The following PRKCA variants were observed in gnomAD, a reference collection of about 807,000 sequenced individuals.
The protein encoded by PRKCA is protein kinase C alpha type.
PRKCA carries 27 observed loss-of-function variants against 87.0 expected under a neutral mutation model. That is an observed-to-expected ratio of 0.31 (90% CI 0.23 to 0.43). The LOEUF (loss-of-function observed/expected upper bound fraction) is 0.43. Ranked by LOEUF, PRKCA falls within the 20% of genes least tolerant of loss-of-function variation. PRKCA has a pLI of 1.00. For missense variants in PRKCA, 518 were observed against 852.3 expected, an observed-to-expected ratio of 0.61 and a Z score of 4.88; for synonymous variants, 329 against 311.1, an observed-to-expected ratio of 1.06 and a Z score of -0.61.
At chr17:66,779,424 C>T (rs1598936842) in intron 14 of PRKCA, among the ~76,000 whole-genome samples, 1 of 151,938 alleles carries the variant, frequency 6.6e-6, no homozygotes, top group Non-Finnish European at 1.5e-5. Context: ...TCTCGGTGAT[C>T]GTCATAAAGG....
chr17:66,528,705 G>T (rs1037477511), intron 3 of PRKCA, among the ~76,000 whole-genome samples: 1 of 152,162 alleles, frequency 6.6e-6, no homozygotes. Context: ...AATTTGTGTT[G>T]CTTTAAGTCA....
rs1165425981 is a variant in PRKCA at position 66,798,453 on chromosome 17, C to CGGTGGTGGT, written c.1855-5394_1855-5386dup. On this transcript the variant is annotated intron_variant, in intron 16 of 16. Coordinates refer to ENST00000413366, the MANE Select transcript of PRKCA (RefSeq NM_002737.3). Reference sequence around the variant, plus strand: ...GTGGTGACGGTGGTGGTGGTGGTGACGGTGGTGGTGGTGGTGGTGGTGGTG... The same window carrying CGGTGGTGGT: ...GTGGTGACGGTGGTGGTGGTGGTGACGGTGGTGGTGGTGGTGGTGGTGGTGGTGGTGGTG... Among the ~76,000 whole-genome samples the CGGTGGTGGT allele has an allele frequency of 2.5e-3, 22 of 8,742 alleles. 2 individuals carry two copies. The highest frequency in any genetic ancestry group is 6.3e-3 in the South Asian group (1 of 158). 5.7% of individuals were successfully genotyped at this position (8,742 alleles called of 152,430 possible).
At chr17:66,564,702 C>T (rs1478077606) in intron 3 of PRKCA, among the ~76,000 whole-genome samples, 2 of 152,166 alleles carry the variant, frequency 1.3e-5, no homozygotes, top group East Asian at 3.9e-4. Context: ...CCAGTGCCAG[C>T]CGGGTGCAGT....
chr17:66,395,864 A>G (rs1328944971), intron 2 of PRKCA, among the ~76,000 whole-genome samples: 1 of 152,112 alleles, frequency 6.6e-6, no homozygotes, highest in Non-Finnish European at 1.5e-5. Flanking sequence ...TCCAGGGCCT[A>G]CATTTTGTCA....
intron 13 of PRKCA, among the ~76,000 whole-genome samples, chr17:66,760,754 C>T (rs1310133800): frequency 1.3e-5 from 2 of 152,216 alleles, no homozygotes; most frequent in Non-Finnish European, 2.9e-5. Flanking sequence ...TGGAAAACTA[C>T]AGACTAATAC....
intron 5 of PRKCA, among the ~76,000 whole-genome samples, chr17:66,684,435 G>T (rs745896465): frequency 1.4e-4 from 21 of 152,232 alleles, no homozygotes; most frequent in Non-Finnish European, 3.1e-4. Context: ...CCCTAAGTTA[G>T]TTGCTCGTAA....
At chr17:66,365,571 T>C (rs777051806) in intron 2 of PRKCA, among the ~76,000 whole-genome samples, 15 of 152,200 alleles carry the variant, frequency 9.9e-5, no homozygotes, top group Non-Finnish European at 1.5e-4. Context: ...TAGGCAGCTA[T>C]ATTTACTTCC....
At chr17:66,304,093 G>A (rs1179418923) in intron 1 of PRKCA, among the ~76,000 whole-genome samples, 1 of 152,136 alleles carries the variant, frequency 6.6e-6, no homozygotes, top group Admixed American at 6.6e-5. Context: ...ATAATATAAG[G>A]GCCAGAGGTC....
At chr17:66,389,543 G>C (rs1434534760) in intron 2 of PRKCA, among the ~76,000 whole-genome samples, 1 of 152,242 alleles carries the variant, frequency 6.6e-6, no homozygotes, top group African/African-American at 2.4e-5. Flanking sequence ...GGGGCCCTCA[G>C]ATGATGGCCA....
intron 3 of PRKCA, among the ~76,000 whole-genome samples, chr17:66,541,852 C>T (rs1275255886): frequency 1.3e-5 from 2 of 152,204 alleles, no homozygotes; most frequent in Non-Finnish European, 1.5e-5. Flanking sequence ...TCTATCAGTG[C>T]ATGCCTCTCA....
intron 8 of PRKCA, among the ~76,000 whole-genome samples, chr17:66,726,904 TG>T (rs1321409320): frequency 1.3e-5 from 2 of 152,104 alleles, no homozygotes; most frequent in Non-Finnish European, 2.9e-5. Flanking sequence ...TTGTATTTTT[TG>T]GTAGAGACGG....
intron 8 of PRKCA, among the ~76,000 whole-genome samples, chr17:66,712,137 TTCCTGTGGA>T (rs1973346710): frequency 6.6e-6 from 1 of 152,176 alleles, no homozygotes; most frequent in Admixed American, 6.5e-5. Flanking sequence ...GTGCAACTTC[TTCCTGTGGA>T]GTAAAACCCT....
intron 2 of PRKCA, among the ~76,000 whole-genome samples, chr17:66,405,516 C>T (rs572402451): frequency 5.7e-4 from 86 of 152,180 alleles, no homozygotes; most frequent in Middle Eastern, 3.4e-3. Context: ...TTCTAGCATC[C>T]GTTTTCTGTT....
At chr17:66,741,613 A>G (rs764181502) in intron 11 of PRKCA, 46 bp from the exon 12 acceptor site, 5 of 1,590,660 alleles carry the variant, frequency 3.1e-6, no homozygotes, top group Admixed American at 3.3e-5. Flanking sequence ...GTATACAGGC[A>G]TCTAAGGAAG....
chr17:66,425,885 C>T (rs944750180), intron 2 of PRKCA, among the ~76,000 whole-genome samples: 3 of 152,118 alleles, frequency 2.0e-5, no homozygotes, highest in African/African-American at 7.2e-5. Flanking sequence ...GAAGCCGTTG[C>T]ATGCCAGGTA....
intron 16 of PRKCA, among the ~76,000 whole-genome samples, chr17:66,798,435 CGGTGGTGGTGGTGGTGACGGT>C (rs1975737225): frequency 3.7e-4 from 5 of 13,694 alleles, no homozygotes; most frequent in Non-Finnish European, 6.4e-4. Flanking sequence ...GTGGTGGTGA[CGGTGGTGGTGGTGGTGACGGT>C]GGTGGTGGTG....
chr17:66,359,702 A>G (rs1443575655), intron 2 of PRKCA, among the ~76,000 whole-genome samples: 2 of 152,234 alleles, frequency 1.3e-5, no homozygotes, highest in African/African-American at 4.8e-5. Flanking sequence ...TGCGTCTCAA[A>G]TATTAATAAG....
intron 3 of PRKCA, among the ~76,000 whole-genome samples, chr17:66,590,077 A>G (rs1969754107): frequency 6.6e-6 from 1 of 152,056 alleles, no homozygotes; most frequent in Admixed American, 6.6e-5. Context: ...GGCCATGGAC[A>G]GGCACCGGTC....
At chr17:66,666,681 T>C (rs932854174) in intron 5 of PRKCA, among the ~76,000 whole-genome samples, 2 of 152,214 alleles carry the variant, frequency 1.3e-5, no homozygotes, top group East Asian at 3.8e-4. Flanking sequence ...TATATAAGTA[T>C]TCCTGTATCT....
Sources: gnomAD v4.1 joint callset for allele counts (sites outside exome capture counted in the v4.1 genomes callset) on GRCh38, gnomAD v4.1.1 for gene constraint, MANE v1.5 for transcripts, NCBI Gene and HGNC (gene_info 2026-07-23, HGNC 2026-07-21) for gene names.